Variants in SP3 observed in about 807,000 individuals in gnomAD.
SP3 encodes the protein Sp3 transcription factor, also known as transcription factor Sp3.
In SP3, 10 loss-of-function variants were observed where a neutral mutation model predicts 70.3. That is an observed-to-expected ratio of 0.14 (90% CI 0.09 to 0.24). SP3 has a LOEUF of 0.24. Among genes scored for constraint, SP3 ranks in the 10% least tolerant of loss-of-function variants. The pLI is 1.00. For synonymous variants in SP3, 402 were observed against 333.5 expected, an observed-to-expected ratio of 1.21 and a Z score of -2.24; for missense variants, 825 against 914.6, an observed-to-expected ratio of 0.90 and a Z score of 1.26.
chr2:173,943,472 C>T (rs921839139), intron 4 of SP3, among the ~76,000 whole-genome samples: 4 of 152,106 alleles, frequency 2.6e-5, no homozygotes, highest in African/African-American at 9.7e-5. Context: ...CATGGTTATT[C>T]CATAACTCTG....
intron 5 of SP3, chr2:173,915,264 A>G (rs192943484): frequency 6.6e-6 from 1 of 152,278 alleles, no homozygotes; most frequent in East Asian, 1.9e-4. Flanking sequence ...TTGCACACAT[A>G]TTTAAGGAAA....
At chr2:173,949,479 G>A (rs2105491825) in intron 4 of SP3, among the ~76,000 whole-genome samples, 1 of 152,166 alleles carries the variant, frequency 6.6e-6, no homozygotes, top group East Asian at 1.9e-4. Flanking sequence ...AAAGAACAAA[G>A]CCTAGTTGTG....
At chr2:173,959,911 T>A (rs890223108) in intron 3 of SP3, among the ~76,000 whole-genome samples, 5 of 152,240 alleles carry the variant, frequency 3.3e-5, no homozygotes, top group African/African-American at 1.2e-4. Context: ...GTACCTTTCT[T>A]ACCGGACAAT....
intron 4 of SP3, among the ~76,000 whole-genome samples, chr2:173,939,142 C>T (rs1261313728): frequency 6.6e-6 from 1 of 152,144 alleles, no homozygotes; most frequent in Non-Finnish European, 1.5e-5. Context: ...TTATCATATT[C>T]ATCTTTGTAA....
Position 173,909,092 on chromosome 2 carries a change from T to C in SP3, c.*849A>G, listed in dbSNP as rs1689405922. 2 of 152,564 alleles carry C rather than the reference T, an allele frequency of 1.3e-5. No individual in the cohort carries two copies. The highest frequency in any genetic ancestry group is 4.8e-5 in the African/African-American group (2 of 41,450). 9.5% of individuals were successfully genotyped at this position (152,564 alleles called of 1,614,324 possible). A position where few individuals can be genotyped will look rare whatever the true frequency, so the allele number is the denominator to read the frequency against. Reference sequence around the variant, plus strand: ...GGAGACATGGTTTTTGGAAACAAGATTGGATAAAAATCACTGCTAAGACGC... The same window carrying C: ...GGAGACATGGTTTTTGGAAACAAGACTGGATAAAAATCACTGCTAAGACGC... On this transcript the variant is annotated 3_prime_UTR_variant, in exon 7 of 7. Coordinates refer to ENST00000310015, the MANE Select transcript of SP3 (RefSeq NM_003111.5).
chr2:173,903,126 T>C lies in SP3; in HGVS notation c.*6815A>G, dbSNP rs1217465920. ...TGACTTAACAAGGTGAATTAACTCA[T>C]TAATACAACAATAGTTGAAGACAAC... On this transcript the variant is annotated 3_prime_UTR_variant, in exon 7 of 7. Transcript: ENST00000310015. Among the ~76,000 whole-genome samples, 2 of 152,208 alleles carry C rather than the reference T, an allele frequency of 1.3e-5. No homozygotes were observed. Among genetic ancestry groups the C allele is most frequent in the Non-Finnish European group, 2.9e-5 (2 of 68,024 alleles).
chr2:173,956,313 T>C, intron 3 of SP3, 81 bp from the exon 4 acceptor site: 1 of 1,410,444 alleles, frequency 7.1e-7, no homozygotes, highest in Non-Finnish European at 9.5e-7. Context: ...CTGGTATAAA[T>C]CCTACTACCT....
rs551911325 is a variant in SP3, at chr2:173,900,848, T to C, written c.*9093A>G. On this transcript the variant is annotated 3_prime_UTR_variant, in exon 7 of 7. Coordinates refer to ENST00000310015, the MANE Select transcript of SP3 (RefSeq NM_003111.5). ...TTAATGGAGAGATACAGAATTATCA[T>C]GGATAGAAAGATAACATTCTTTCCC... 3.3e-4 allele frequency among the ~76,000 whole-genome samples: 51 copies of C among 152,358 alleles called. No homozygotes were observed. Among genetic ancestry groups the C allele is most frequent in the African/African-American group, 1.2e-3 (48 of 41,594 alleles).
intron 1 of SP3, 134 bp downstream of exon 1, chr2:173,965,031 C>G (rs983199916): frequency 1.1e-5 from 13 of 1,204,998 alleles, no homozygotes; most frequent in Non-Finnish European, 1.5e-5. Flanking sequence ...CAGGGGAGTG[C>G]AGCTTTCTGC....
intron 6 of SP3, among the ~76,000 whole-genome samples, chr2:173,912,623 A>G (rs1020912812): frequency 5.9e-5 from 9 of 152,308 alleles, no homozygotes; most frequent in Admixed American, 3.9e-4. Flanking sequence ...GTTATTCCTC[A>G]GTGAAATACC....
intron 4 of SP3, among the ~76,000 whole-genome samples, chr2:173,930,283 A>C (rs1026193530): frequency 1.3e-5 from 2 of 152,180 alleles, no homozygotes; most frequent in African/African-American, 4.8e-5. Context: ...TGGAGGTAAG[A>C]AGCAACTACT....
intron 4 of SP3, among the ~76,000 whole-genome samples, chr2:173,940,894 G>C (rs1690352827): frequency 6.6e-6 from 1 of 152,022 alleles, no homozygotes; most frequent in Non-Finnish European, 1.5e-5. Context: ...CTGTATCTCT[G>C]AATGTCTATC....
At chr2:173,965,510 G>T, upstream of SP3, 1 of 301,706 alleles carries the variant, frequency 3.3e-6, no homozygotes, top group Non-Finnish European at 6.2e-6. Flanking sequence ...GGGTGGAAGG[G>T]GAGAGACAAT....
intron 4 of SP3, among the ~76,000 whole-genome samples, chr2:173,929,177 C>T (rs1383382934): frequency 6.6e-6 from 1 of 152,144 alleles, no homozygotes; most frequent in African/African-American, 2.4e-5. Context: ...TGTTCTTTAA[C>T]TTCCACTCAC....
At chr2:173,921,016 T>C (rs551653538) in intron 4 of SP3, among the ~76,000 whole-genome samples, 32 of 152,344 alleles carry the variant, frequency 2.1e-4, no homozygotes, top group Non-Finnish European at 4.3e-4. Context: ...GGTAATATCC[T>C]ATTTCTTGAT....
At chr2:173,920,431 T>C (rs1268611538) in intron 4 of SP3, among the ~76,000 whole-genome samples, 1 of 152,064 alleles carries the variant, frequency 6.6e-6, no homozygotes, top group Non-Finnish European at 1.5e-5. Flanking sequence ...GTATGGACTT[T>C]GGGTGATAAT....
intron 4 of SP3, among the ~76,000 whole-genome samples, chr2:173,947,823 T>C (rs1362670736): frequency 6.6e-6 from 1 of 152,218 alleles, no homozygotes; most frequent in East Asian, 1.9e-4. Context: ...ATTTTGGGTC[T>C]GGCATTTCTG....
chr2:173,958,257 C>T (rs1208538340), intron 3 of SP3, among the ~76,000 whole-genome samples: 1 of 144,308 alleles, frequency 6.9e-6, no homozygotes, highest in African/African-American at 2.6e-5. Flanking sequence ...GTCAAATTTA[C>T]AGCACCTAAA....
At chr2:173,915,348 T>C (rs528801843) in intron 5 of SP3, 25 of 152,232 alleles carry the variant, frequency 1.6e-4, no homozygotes, top group African/African-American at 6.0e-4. Context: ...ATATGGTAGA[T>C]GTGGATTTAC....
Sources: gnomAD v4.1 joint callset for allele counts (sites outside exome capture counted in the v4.1 genomes callset) on GRCh38, gnomAD v4.1.1 for gene constraint, MANE v1.5 for transcripts, NCBI Gene and HGNC (gene_info 2026-07-23, HGNC 2026-07-21) for gene names.